Variants in KIF13A observed in about 807,000 individuals in gnomAD.
KIF13A encodes kinesin-like protein KIF13A.
KIF13A carries 79 observed loss-of-function variants against 212.2 expected under a neutral mutation model. The observed-to-expected ratio is 0.37, with a 90% CI of 0.31 to 0.45. The LOEUF is 0.45. Among genes scored for constraint, KIF13A ranks in the 20% least tolerant of loss-of-function variants. The probability of loss-of-function intolerance (pLI) is 1.00; values close to 1 mark genes in which losing one functional copy is unlikely to be tolerated. For missense variants in KIF13A, 1,901 were observed against 2,209.0 expected (o/e 0.86, Z 2.79); for synonymous variants, 789 against 808.6 (o/e 0.98, Z 0.41).
chr6:17,974,656 CT>C (rs929845583), intron 2 of KIF13A, among the ~76,000 whole-genome samples: 10 of 124,484 alleles, frequency 8.0e-5, no homozygotes, highest in Admixed American at 1.7e-4. Flanking sequence ...ACCTGGGAAG[CT>C]TTTTTAAAAA....
At chr6:17,910,162 T>C (rs1186228315) in intron 2 of KIF13A, among the ~76,000 whole-genome samples, 1 of 152,184 alleles carries the variant, frequency 6.6e-6, no homozygotes, top group Admixed American at 6.5e-5. Flanking sequence ...GTCTAAAATT[T>C]AACAATAGTC....
chr6:17,936,475 C>G (rs1051012743), intron 2 of KIF13A: 3 of 156,210 alleles, frequency 1.9e-5, no homozygotes, highest in African/African-American at 7.2e-5. Flanking sequence ...TCTCTCACTC[C>G]CCCTCTATCT....
intron 22 of KIF13A, among the ~76,000 whole-genome samples, chr6:17,798,941 T>A (rs1025523057): frequency 5.3e-5 from 8 of 152,204 alleles, no homozygotes; most frequent in Non-Finnish European, 8.8e-5. Context: ...AGAACTTATG[T>A]GTGCATGATG....
rs779609680 is a variant in KIF13A at position 17,961,467 on chromosome 6, T to C, written c.146+25587A>G. 6.6e-6 allele frequency among the ~76,000 whole-genome samples: 1 copy of C among 152,318 alleles called. No homozygotes were observed. The highest frequency in any genetic ancestry group is 1.9e-4 in the East Asian group (1 of 5,186). ...CCCTTTATATTCTCCCCGAATTAGGTTGGACCATGTAGAGTCAAATTGAAC... is the reference window on the plus strand; with the variant it reads ...CCCTTTATATTCTCCCCGAATTAGGCTGGACCATGTAGAGTCAAATTGAAC... On this transcript the variant is annotated intron_variant, in intron 2 of 38. Transcript: ENST00000259711. The surrounding 1 kb of genome is among the most constrained non-coding windows in gnomAD (Gnocchi z 4.1).
intron 22 of KIF13A, among the ~76,000 whole-genome samples, chr6:17,798,964 T>C (rs897784134): frequency 6.6e-6 from 1 of 152,220 alleles, no homozygotes; most frequent in Non-Finnish European, 1.5e-5. Context: ...AAAGGGTGTA[T>C]GTACATATGT....
rs1763290741 is a variant in KIF13A at position 17,809,946 on chromosome 6, G to T, written c.2001-1016C>A. ...ACAGTTTCTTAAAACCATATTACCA[G>T]CTGGGGGCAGTGGCTCATGGCTATA... On this transcript the variant is annotated intron_variant, in intron 17 of 38. Transcript: ENST00000259711. This position sits in a 1 kb window ranked among gnomAD's most constrained non-coding sequence, Gnocchi z 4.7. Among the ~76,000 whole-genome samples the T allele has an allele frequency of 6.6e-6, 1 of 152,130 alleles. No homozygotes were observed. Among genetic ancestry groups the T allele is most frequent in the Admixed American group, 6.5e-5 (1 of 15,268 alleles).
intron 9 of KIF13A, among the ~76,000 whole-genome samples, chr6:17,844,056 A>AG (rs1554183114): frequency 3.1e-4 from 47 of 151,708 alleles, no homozygotes; most frequent in African/African-American, 1.1e-3. Flanking sequence ...AAAAAAAAAA[A>AG]AAAGAAAGAA....
intron 2 of KIF13A, among the ~76,000 whole-genome samples, chr6:17,923,675 G>A (rs1330721044): frequency 1.3e-5 from 2 of 152,076 alleles, no homozygotes; most frequent in Admixed American, 1.3e-4. Context: ...AAATGAGAAG[G>A]GCCAGTAAAA....
At position 17,787,977 on chromosome 6, in the gene KIF13A, T is replaced by C; in HGVS notation, c.3262-102A>G. ...TTTAAATCAACTAGGAAATTTTTCA[T>C]TAGGAAAAGCTGTTGAACATTGCTG... On this transcript the variant is annotated intron_variant, in intron 26 of 38. Coordinates refer to ENST00000259711, the MANE Select transcript of KIF13A (RefSeq NM_022113.6). The surrounding 1 kb of genome is among the most constrained non-coding windows in gnomAD (Gnocchi z 4.6). The C allele has an allele frequency of 4.1e-6, 3 of 739,444 alleles. No homozygotes were observed. Among genetic ancestry groups the C allele is most frequent in the Non-Finnish European group, 7.1e-6 (3 of 422,786 alleles). The allele number at this position is 739,444 out of a possible 1,614,324, so 45.8% of individuals were successfully genotyped here. A position where few individuals can be genotyped will look rare whatever the true frequency, so the allele number is the denominator to read the frequency against.
In KIF13A at chr6:17,789,963, T is replaced by A. The variant is rs1035231413; in HGVS notation, c.3223-53A>T. 1.0e-5 allele frequency: 14 copies of A among 1,378,608 alleles called. No individual in the cohort carries two copies. The highest frequency in any genetic ancestry group is 2.9e-5 in the African/African-American group (2 of 70,080). The allele number at this position is 1,378,608 out of a possible 1,614,324, so 85.4% of individuals were successfully genotyped here. A position where few individuals can be genotyped will look rare whatever the true frequency, so the allele number is the denominator to read the frequency against. On this transcript the variant is annotated intron_variant, in intron 25 of 38. Coordinates refer to ENST00000259711, the MANE Select transcript of KIF13A (RefSeq NM_022113.6). This position sits in a 1 kb window ranked among gnomAD's most constrained non-coding sequence, Gnocchi z 4.8. ...CAAGCATTTTGTTTTTCAAACCACA[T>A]ACAGGGAAAATAATTATTTAAGCTT...
downstream of KIF13A, among the ~76,000 whole-genome samples, chr6:17,761,712 T>C (rs1344576888): frequency 6.6e-6 from 1 of 152,180 alleles, no homozygotes; most frequent in Non-Finnish European, 1.5e-5. Context: ...AAAATCTCCA[T>C]AATCCCATCA....
intron 4 of KIF13A, among the ~76,000 whole-genome samples, chr6:17,859,475 T>C (rs556791658): frequency 6.7e-6 from 1 of 149,950 alleles, no homozygotes; most frequent in Non-Finnish European, 1.5e-5. Context: ...AAAACAAGAG[T>C]AAATTTTAGT....
chr6:17,825,967 C>T lies in KIF13A; in HGVS notation c.1620-33G>A. ...GTTTTTCACCATTAGAGAAAATCAA[C>T]TTGTTTTACACTTAAATAGATAACA... On this transcript the variant is annotated intron_variant, in intron 15 of 38. Coordinates refer to ENST00000259711, the MANE Select transcript of KIF13A (RefSeq NM_022113.6). The surrounding 1 kb of genome is among the most constrained non-coding windows in gnomAD (Gnocchi z 4.5). 1.2e-6 allele frequency: 2 copies of T among 1,611,990 alleles called. No homozygotes were observed. Among genetic ancestry groups the T allele is most frequent in the South Asian group, 1.1e-5 (1 of 90,932 alleles).
intron 3 of KIF13A, among the ~76,000 whole-genome samples, chr6:17,884,282 C>A (rs1771344838): frequency 6.6e-6 from 1 of 152,204 alleles, no homozygotes; most frequent in Non-Finnish European, 1.5e-5. Context: ...ATGCTTGGCA[C>A]ACAGTGAAAT....
Position 17,987,557 on chromosome 6 carries a change from C to A in KIF13A, c.-94G>T. ...GCCGCCGCTGCAGCCGCGCGCCCCT[C>A]GAGCGCGGCCGCCGCCGCTCCGCCG... On this transcript the variant is annotated 5_prime_UTR_variant, in exon 1 of 39. Coordinates refer to ENST00000259711, the MANE Select transcript of KIF13A (RefSeq NM_022113.6). The surrounding 1 kb of genome is among the most constrained non-coding windows in gnomAD (Gnocchi z 7.7). 1.6e-6 allele frequency: 1 copy of A among 615,082 alleles called. No individual in the cohort carries two copies. The highest frequency in any genetic ancestry group is 2.0e-6 in the Non-Finnish European group (1 of 492,270). 38.1% of individuals were successfully genotyped at this position (615,082 alleles called of 1,614,324 possible). A position where few individuals can be genotyped will look rare whatever the true frequency, so the allele number is the denominator to read the frequency against.
rs1768126700 is a variant in KIF13A at position 17,856,275 on chromosome 6, A to G, written c.221-153T>C. Reference sequence around the variant, plus strand: ...CAGGGCTGTGTATTAAGAGCTTGATATATGCAATTTCATCCACACTTCTAA... The same window carrying G: ...CAGGGCTGTGTATTAAGAGCTTGATGTATGCAATTTCATCCACACTTCTAA... On this transcript the variant is annotated intron_variant, in intron 4 of 38. Transcript: ENST00000259711. The surrounding 1 kb of genome is among the most constrained non-coding windows in gnomAD (Gnocchi z 4.5). 6.6e-6 allele frequency among the ~76,000 whole-genome samples: 1 copy of G among 152,224 alleles called. No homozygotes were observed. The highest frequency in any genetic ancestry group is 1.5e-5 in the Non-Finnish European group (1 of 68,050).
Position 17,781,210 on chromosome 6 carries a change from G to C in KIF13A, c.3636C>G (p.Phe1212Leu), listed in dbSNP as rs1406908946. 1.2e-6 allele frequency: 2 copies of C among 1,613,910 alleles called. No homozygotes were observed. The highest frequency in any genetic ancestry group is 2.2e-5 in the South Asian group (2 of 91,068). Residue 1212 changes from phenylalanine (F) to leucine (L), a missense_variant, in exon 30 of 39, where the codon TTC becomes TTG. Coordinates refer to ENST00000259711, the MANE Select transcript of KIF13A (RefSeq NM_022113.6). ...ILPKEHGSQFFYLPIIKHSDD... is the reference protein window; with the variant it reads ...ILPKEHGSQFLYLPIIKHSDD... Reference sequence around the variant, plus strand: ...CACTGTGCTTTATGATGGGCAGGTAGAAAAACTGGCTGCCATGCTCCTTGG... The same window carrying C: ...CACTGTGCTTTATGATGGGCAGGTACAAAAACTGGCTGCCATGCTCCTTGG...
At position 17,777,388 on chromosome 6, in the gene KIF13A, T is replaced by TC. The variant is rs1413273091; in HGVS notation, c.4093-35_4093-34insG. On this transcript the variant is annotated intron_variant, in intron 33 of 38. Coordinates refer to ENST00000259711, the MANE Select transcript of KIF13A (RefSeq NM_022113.6). This position sits in a 1 kb window ranked among gnomAD's most constrained non-coding sequence, Gnocchi z 4.4. ...ATAATAATTTGAAAATAACACTTTT[T>TC]TTTTTTTTCCCCAGAGACAGAGTCT... The TC allele has an allele frequency of 1.3e-6, 2 of 1,537,764 alleles. No homozygotes were observed. The highest frequency in any genetic ancestry group is 3.8e-5 in the Admixed American group (2 of 53,296).
intron 38 of KIF13A, chr6:17,770,910 C>CAAAA (rs2150291507): frequency 3.8e-6 from 2 of 530,290 alleles, no homozygotes; most frequent in Non-Finnish European, 6.3e-6. Context: ...CAAACTTAAG[C>CAAAA]AAAAAATAAA....
Sources: gnomAD v4.1 joint callset for allele counts (sites outside exome capture counted in the v4.1 genomes callset) on GRCh38, gnomAD v4.1.1 for gene constraint, Gnocchi (gnomAD v3.1) non-coding constraint, MANE v1.5 for transcripts, NCBI Gene and HGNC (gene_info 2026-07-23, HGNC 2026-07-21) for gene names.